WLS: variants seen among roughly 807,000 people sequenced by gnomAD.
WLS encodes the protein protein wntless homolog.
A neutral mutation model predicts 62.8 loss-of-function variants in WLS; 23 were observed. That is an observed-to-expected ratio of 0.37 (90% CI 0.26 to 0.52). The LOEUF (loss-of-function observed/expected upper bound fraction) is 0.52, where lower values mean the gene tolerates loss of function less well. Among genes scored for constraint, WLS ranks in the 20% least tolerant of loss-of-function variants. The pLI is 0.92. For missense variants in WLS, 615 were observed against 697.3 expected (o/e 0.88, Z 1.33); for synonymous variants, 246 against 244.1 (o/e 1.01, Z -0.07).
intron 1 of WLS, among the ~76,000 whole-genome samples, chr1:68,207,384 A>T (rs1354186446): frequency 6.6e-6 from 1 of 152,250 alleles, no homozygotes; most frequent in Non-Finnish European, 1.5e-5. Context: ...TTTATTATTC[A>T]GAAGAAATGA....
chr1:68,104,916 G>A (rs905605553), intron 11 of WLS, among the ~76,000 whole-genome samples: 3 of 152,158 alleles, frequency 2.0e-5, no homozygotes, highest in Admixed American at 6.5e-5. Context: ...CAAGACACCT[G>A]TCTCAGTAAA....
chr1:68,161,826 A>C (rs914821318), intron 2 of WLS: 28 of 1,604,942 alleles, frequency 1.7e-5, no homozygotes, highest in Non-Finnish European at 2.3e-5. Context: ...CCTGGGAAGG[A>C]TGTGCCACTG....
chr1:68,143,928 G>T (rs184108084), intron 10 of WLS, among the ~76,000 whole-genome samples: 1 of 152,298 alleles, frequency 6.6e-6, no homozygotes, highest in East Asian at 1.9e-4. Flanking sequence ...AAAGCTATTA[G>T]ATATCATAGT....
intron 1 of WLS, among the ~76,000 whole-genome samples, chr1:68,200,455 T>G (rs34168249): frequency 0.073 from 10,400 of 143,218 alleles, 429 homozygotes; most frequent in Admixed American, 0.1. Flanking sequence ...TAATTGGGAC[T>G]GATTTCAACG....
intron 8 of WLS, among the ~76,000 whole-genome samples, 193 bp downstream of exon 8, chr1:68,147,943 G>C (rs2100457869): frequency 6.6e-6 from 1 of 152,322 alleles, no homozygotes; most frequent in Non-Finnish European, 1.5e-5. Flanking sequence ...CATTTTGCCT[G>C]CTCTCACCCA....
intron 2 of WLS, among the ~76,000 whole-genome samples, chr1:68,169,946 T>C (rs1186677495): frequency 6.6e-6 from 1 of 152,174 alleles, no homozygotes; most frequent in Non-Finnish European, 1.5e-5. Flanking sequence ...AGCTCAGCTT[T>C]GGAGACAGAC....
intron 11 of WLS, among the ~76,000 whole-genome samples, chr1:68,127,609 G>A (rs1224450130): frequency 6.6e-6 from 1 of 152,148 alleles, no homozygotes; most frequent in Non-Finnish European, 1.5e-5. Context: ...CATGTTTGTG[G>A]AGAGGGGTGC....
At chr1:68,120,509 G>C (rs548744462), downstream of WLS, among the ~76,000 whole-genome samples, 2 of 152,340 alleles carry the variant, frequency 1.3e-5, 1 homozygote, top group Middle Eastern at 6.8e-3. Context: ...GAAGTTCACA[G>C]ACTGAAGTTC....
intron 1 of WLS, among the ~76,000 whole-genome samples, chr1:68,197,248 A>G (rs754466922): frequency 2.0e-5 from 3 of 152,146 alleles, no homozygotes; most frequent in Non-Finnish European, 2.9e-5. Flanking sequence ...TAATGAATGC[A>G]GTGAACGCCT....
At chr1:68,213,950 C>T (rs1557524543) in intron 1 of WLS, among the ~76,000 whole-genome samples, 1 of 152,182 alleles carries the variant, frequency 6.6e-6, no homozygotes, top group Admixed American at 6.5e-5. Context: ...ATTTCCCAAC[C>T]ATCCCCAGCA....
At position 68,126,304 on chromosome 1, in the gene WLS, G is replaced by A. The variant is rs749688062; in HGVS notation, c.1548C>T (p.Leu516=). The change falls in exon 12 of 12, where the codon CTC becomes CTT. Residue 516 remains leucine, a synonymous_variant. Coordinates refer to ENST00000262348, the MANE Select transcript of WLS (RefSeq NM_024911.7). ...CATGGGTGATAGTGGTGGTGAGCTG[G>A]AGTTCTTCCCCACTATGGACACCCA... is the stretch of plus-strand genomic sequence containing the variant. ...GDLGVHSGEE[L]QLTTTITHVD... is the part of the protein sequence containing the mutation. 1 of 1,614,122 alleles carries A rather than the reference G, an allele frequency of 6.2e-7. No individual in the cohort carries two copies. The highest frequency in any genetic ancestry group is 8.5e-7 in the Non-Finnish European group (1 of 1,180,020).
chr1:68,152,015 G>T (rs913975476), intron 5 of WLS, among the ~76,000 whole-genome samples: 2 of 152,164 alleles, frequency 1.3e-5, no homozygotes, highest in Non-Finnish European at 2.9e-5. Flanking sequence ...CAGTGGAATT[G>T]GTGAGATTTC....
At chr1:68,169,324 A>G (rs1191219426) in intron 2 of WLS, among the ~76,000 whole-genome samples, 1 of 152,228 alleles carries the variant, frequency 6.6e-6, no homozygotes, top group Non-Finnish European at 1.5e-5. Context: ...CTTAAATGCT[A>G]TACCACTGAA....
intron 5 of WLS, among the ~76,000 whole-genome samples, chr1:68,151,527 G>C (rs1432434185): frequency 1.3e-5 from 2 of 152,128 alleles, no homozygotes; most frequent in Non-Finnish European, 2.9e-5. Flanking sequence ...CAAGGATTGT[G>C]CTCTTGTGAT....
At chr1:68,112,717 G>T (rs147923098) in intron 11 of WLS, among the ~76,000 whole-genome samples, 10 of 152,242 alleles carry the variant, frequency 6.6e-5, no homozygotes, top group African/African-American at 2.4e-4. Flanking sequence ...ATTGGTCACC[G>T]ACTGCACGGT....
intron 1 of WLS, among the ~76,000 whole-genome samples, chr1:68,225,367 T>C (rs1410463073): frequency 6.6e-6 from 1 of 152,120 alleles, no homozygotes; most frequent in African/African-American, 2.4e-5. Context: ...GCTCCTCCTC[T>C]CCTTCCCACA....
chr1:68,172,467 T>TA (rs11329924), intron 2 of WLS, among the ~76,000 whole-genome samples: 11 of 151,672 alleles, frequency 7.3e-5, no homozygotes, highest in Admixed American at 1.3e-4. Flanking sequence ...ACTTCTTCTA[T>TA]AAAAAAAAGA....
At chr1:68,163,200 A>G in intron 2 of WLS, 1 of 682,678 alleles carries the variant, frequency 1.5e-6, no homozygotes, top group Non-Finnish European at 2.6e-6. Flanking sequence ...CCCACTATAA[A>G]TCTGTACACA....
intron 10 of WLS, 135 bp from the exon 11 acceptor site, chr1:68,138,068 C>T (rs993481488): frequency 1.2e-5 from 12 of 983,816 alleles, no homozygotes; most frequent in Non-Finnish European, 1.8e-5. Flanking sequence ...ATGTAAGACT[C>T]CATCTTTTAA....
Sources: gnomAD v4.1 joint callset for allele counts (sites outside exome capture counted in the v4.1 genomes callset) on GRCh38, gnomAD v4.1.1 for gene constraint, MANE v1.5 for transcripts, NCBI Gene and HGNC (gene_info 2026-07-23, HGNC 2026-07-21) for gene names.